The following MGMT variants were observed in gnomAD, a reference collection of about 807,000 sequenced individuals.
The protein encoded by MGMT is O-6-methylguanine-DNA methyltransferase.
In MGMT, 14 loss-of-function variants were observed where a neutral mutation model predicts 15.9. The observed-to-expected ratio is 0.88, with a 90% CI of 0.58 to 1.37. MGMT has a LOEUF of 1.37. Among genes scored for constraint, MGMT ranks in the 40% most tolerant of loss-of-function variants. MGMT has a pLI of 0.00. For missense variants in MGMT, 282 were observed against 268.1 expected, an observed-to-expected ratio of 1.05 and a Z score of -0.36; for synonymous variants, 130 against 118.2, an observed-to-expected ratio of 1.10 and a Z score of -0.65.
intron 2 of MGMT, among the ~76,000 whole-genome samples, chr10:129,635,078 CG>C (rs1238135989): frequency 6.6e-6 from 1 of 152,148 alleles, no homozygotes; most frequent in African/African-American, 2.4e-5. Context: ...CAGCTCGCCC[CG>C]GATGGTCTGT....
At chr10:129,723,245 A>G (rs1848393992) in intron 3 of MGMT, among the ~76,000 whole-genome samples, 2 of 152,066 alleles carry the variant, frequency 1.3e-5, no homozygotes, top group Admixed American at 6.6e-5. Flanking sequence ...ACTGAACGTG[A>G]TATGTAGTCT....
At chr10:129,619,216 G>A (rs1331764891) in intron 2 of MGMT, among the ~76,000 whole-genome samples, 2 of 152,130 alleles carry the variant, frequency 1.3e-5, no homozygotes, top group Non-Finnish European at 2.9e-5. Flanking sequence ...TAATGTTTAT[G>A]TGGTTTCTGT....
At chr10:129,590,344 G>C (rs1846668321) in intron 2 of MGMT, among the ~76,000 whole-genome samples, 1 of 152,188 alleles carries the variant, frequency 6.6e-6, no homozygotes, top group Non-Finnish European at 1.5e-5. Flanking sequence ...TCCCTGAAAA[G>C]TACCTGGATC....
At chr10:129,599,973 A>AGTAGGTAG (rs71035597) in intron 2 of MGMT, among the ~76,000 whole-genome samples, 119 of 151,468 alleles carry the variant, frequency 7.9e-4, no homozygotes, top group South Asian at 1.9e-3. Flanking sequence ...CCTATAGGTA[A>AGTAGGTAG]GTAGGTAGGT....
intron 3 of MGMT, chr10:129,715,466 TA>T (rs564324943): frequency 1.3e-5 from 2 of 152,308 alleles, no homozygotes; most frequent in South Asian, 4.1e-4. Flanking sequence ...TGTTTTAAAG[TA>T]AAAAACACAC....
intron 1 of MGMT, among the ~76,000 whole-genome samples, chr10:129,472,688 C>T (rs1845246075): frequency 6.6e-6 from 1 of 152,182 alleles, no homozygotes; most frequent in African/African-American, 2.4e-5. Context: ...GGGACAGTTC[C>T]CATCCAGAAG....
At chr10:129,590,959 A>G (rs1263601273) in intron 2 of MGMT, among the ~76,000 whole-genome samples, 1 of 152,236 alleles carries the variant, frequency 6.6e-6, no homozygotes, top group East Asian at 1.9e-4. Flanking sequence ...CAAATTGGCC[A>G]TTTAGTCAAA....
chr10:129,575,220 A>T (rs1216615431), intron 2 of MGMT, among the ~76,000 whole-genome samples: 6 of 152,126 alleles, frequency 3.9e-5, no homozygotes, highest in Admixed American at 1.3e-4. Flanking sequence ...CCCCAAATCA[A>T]CAGAATATAC....
At chr10:129,574,513 A>G (rs889363738) in intron 2 of MGMT, among the ~76,000 whole-genome samples, 4 of 152,206 alleles carry the variant, frequency 2.6e-5, no homozygotes, top group Non-Finnish European at 5.9e-5. Flanking sequence ...TGTTTTTACT[A>G]TCTTTAAATA....
intron 2 of MGMT, among the ~76,000 whole-genome samples, chr10:129,655,502 G>C (rs1300386646): frequency 2.6e-5 from 4 of 152,222 alleles, no homozygotes; most frequent in Non-Finnish European, 4.4e-5. Flanking sequence ...CTTCCCCGTT[G>C]AGTTTTAAAC....
chr10:129,599,943 T>G (rs190572776), intron 2 of MGMT, among the ~76,000 whole-genome samples: 1 of 152,268 alleles, frequency 6.6e-6, no homozygotes, highest in East Asian at 1.9e-4. Context: ...TACATTGGTC[T>G]TTCTAGATGC....
rs188835293 is a variant in MGMT at position 129,546,462 on chromosome 10, C to A, written c.125+10085C>A. 2.6e-4 allele frequency among the ~76,000 whole-genome samples: 39 copies of A among 152,186 alleles called. 1 individual carries two copies. The highest frequency in any genetic ancestry group is 2.9e-5 in the Non-Finnish European group (2 of 68,028). ...AGGCAGTTAAGAGGCTGCGAGCCCC[C>A]TCTTGGGCATCTGACGGGGTGGTGC... On this transcript the variant is annotated intron_variant, in intron 2 of 4. Transcript: ENST00000651593.
intron 1 of MGMT, among the ~76,000 whole-genome samples, chr10:129,471,505 G>A (rs889627394): frequency 1.3e-5 from 2 of 152,142 alleles, no homozygotes; most frequent in Admixed American, 6.5e-5. Flanking sequence ...CTGCTTGTGT[G>A]GGGTAAGAGC....
chr10:129,742,446 G>A (rs1330441003), intron 3 of MGMT, among the ~76,000 whole-genome samples: 1 of 152,152 alleles, frequency 6.6e-6, no homozygotes, highest in Admixed American at 6.5e-5. Flanking sequence ...TCAGAGCCAG[G>A]TCCTCAGGGC....
At chr10:129,572,783 C>T (rs541795374) in intron 2 of MGMT, among the ~76,000 whole-genome samples, 8 of 152,200 alleles carry the variant, frequency 5.3e-5, no homozygotes, top group Admixed American at 1.3e-4. Context: ...CAGCATGATT[C>T]AGACAGCTCT....
intron 1 of MGMT, among the ~76,000 whole-genome samples, chr10:129,514,461 T>A (rs1845716431): frequency 6.8e-6 from 1 of 146,574 alleles, no homozygotes; most frequent in African/African-American, 2.7e-5. Flanking sequence ...TCAAATCAAA[T>A]AATTTGGCCA....
intron 2 of MGMT, among the ~76,000 whole-genome samples, chr10:129,686,890 C>T (rs1330215522): frequency 1.3e-5 from 2 of 152,166 alleles, no homozygotes; most frequent in East Asian, 3.9e-4. Flanking sequence ...GTCAGCTGAT[C>T]TGGGCAGGGC....
At chr10:129,587,731 C>T (rs529592551) in intron 2 of MGMT, among the ~76,000 whole-genome samples, 25 of 152,020 alleles carry the variant, frequency 1.6e-4, no homozygotes, top group South Asian at 6.3e-4. Flanking sequence ...CCACCGTACC[C>T]GACCTATATT....
At chr10:129,473,605 C>T (rs569757047) in intron 1 of MGMT, among the ~76,000 whole-genome samples, 2 of 152,310 alleles carry the variant, frequency 1.3e-5, no homozygotes, top group South Asian at 2.1e-4. Flanking sequence ...GGCTTTGCAA[C>T]GATGAGCCTG....
Sources: allele counts gnomAD v4.1 joint callset (sites outside exome capture counted in the v4.1 genomes callset), GRCh38; gene constraint gnomAD v4.1.1; transcripts MANE v1.5; gene names NCBI Gene and HGNC (gene_info 2026-07-23, HGNC 2026-07-21).